Variants in WNT9A observed in about 807,000 individuals in gnomAD.
The protein encoded by WNT9A is Wnt family member 9A.
A neutral mutation model predicts 31.4 loss-of-function variants in WNT9A; 8 were observed. The ratio of observed to expected loss-of-function variants is 0.26; its 90% CI spans 0.15 to 0.46. The LOEUF (loss-of-function observed/expected upper bound fraction) is 0.46. Among genes scored for constraint, WNT9A ranks in the 20% least tolerant of loss-of-function variants. The probability of loss-of-function intolerance (pLI) is 0.99; values close to 1 mark genes in which losing one functional copy is unlikely to be tolerated. For missense variants in WNT9A, 457 were observed against 522.9 expected, an observed-to-expected ratio of 0.87 and a Z score of 1.23; for synonymous variants, 236 against 220.1, an observed-to-expected ratio of 1.07 and a Z score of -0.64.
intron 1 of WNT9A, among the ~76,000 whole-genome samples, chr1:227,937,669 C>A (rs1666619602): frequency 6.6e-6 from 1 of 152,258 alleles, no homozygotes; most frequent in African/African-American, 2.4e-5. Flanking sequence ...CGGTTCGCAG[C>A]CATCGCTGGC....
intron 3 of WNT9A, among the ~76,000 whole-genome samples, chr1:227,922,367 C>T (rs1269981765): frequency 6.6e-6 from 1 of 152,252 alleles, no homozygotes; most frequent in African/African-American, 2.4e-5. Flanking sequence ...CCTGCCGGGA[C>T]TTCACATCTG....
intron 1 of WNT9A, among the ~76,000 whole-genome samples, chr1:227,940,209 GC>G (rs1000995547): frequency 1.6e-4 from 25 of 152,220 alleles, no homozygotes; most frequent in Non-Finnish European, 2.4e-4. Context: ...TGGGCTGACT[GC>G]CCTTTTCTGG....
chr1:227,945,085 T>A (rs1466357331), intron 1 of WNT9A, among the ~76,000 whole-genome samples: 3 of 152,166 alleles, frequency 2.0e-5, no homozygotes, highest in African/African-American at 7.2e-5. Context: ...CTAATCCGGA[T>A]CTACCATCTC....
chr1:227,945,376 G>A (rs1666778265), intron 1 of WNT9A, among the ~76,000 whole-genome samples: 1 of 152,204 alleles, frequency 6.6e-6, no homozygotes, highest in South Asian at 2.1e-4. Flanking sequence ...GCAGGGCCAG[G>A]CCAAGGGGAG....
chr1:227,922,506 AC>A (rs1666340296), intron 3 of WNT9A, among the ~76,000 whole-genome samples: 1 of 151,748 alleles, frequency 6.6e-6, no homozygotes, highest in South Asian at 2.1e-4. Flanking sequence ...TGCAGACGCG[AC>A]CCCCAACCCA....
chr1:227,924,197 G>C lies in WNT9A; in HGVS notation c.556C>G (p.Arg186Gly), dbSNP rs149009608. 1 of 1,493,910 alleles carries C rather than the reference G, an allele frequency of 6.7e-7. No individual in the cohort carries two copies. Among genetic ancestry groups the C allele is most frequent in the African/African-American group, 1.4e-5 (1 of 70,634 alleles). 92.5% of individuals were successfully genotyped at this position (1,493,910 alleles called of 1,614,324 possible). A position where few individuals can be genotyped will look rare whatever the true frequency, so the allele number is the denominator to read the frequency against. Residue 186 changes from arginine (R) to glycine (G), a missense_variant, in exon 3 of 4, where the codon CGG becomes GGG. By Grantham distance (125) the Arg-to-Gly change is moderately radical. Transcript: ENST00000272164. ...CGGGCTCGCAGATCCTTGCTTGACC[G>C]TCTGCCCAGGAATTCCTTGACGAAC... ...SKFVKEFLGR[R>G]SSKDLRARVD...
chr1:227,925,634 GCA>G lies in WNT9A; in HGVS notation c.96-117_96-116del, dbSNP rs1666409763. 1.4e-6 allele frequency: 2 copies of G among 1,399,500 alleles called. No individual in the cohort carries two copies. Among genetic ancestry groups the G allele is most frequent in the African/African-American group, 2.9e-5 (2 of 68,294 alleles). The allele number at this position is 1,399,500 out of a possible 1,614,324, so 86.7% of individuals were successfully genotyped here. A position where few individuals can be genotyped will look rare whatever the true frequency, so the allele number is the denominator to read the frequency against. On this transcript the variant is annotated intron_variant, in intron 1 of 3. Coordinates refer to ENST00000272164, the MANE Select transcript of WNT9A (RefSeq NM_003395.4). The surrounding 1 kb of genome is among the most constrained non-coding windows in gnomAD (Gnocchi z 6.0). ...GGCGTGTCCATCCGGGGGTGAGGGG[GCA>G]GAAAGAATCCAGGATGAGCCAGGCA...
chr1:227,944,532 T>C (rs1017662278), intron 1 of WNT9A, among the ~76,000 whole-genome samples: 4 of 152,104 alleles, frequency 2.6e-5, no homozygotes, highest in African/African-American at 9.7e-5. Context: ...TTACGGCCAA[T>C]AACAAAAAGC....
intron 1 of WNT9A, among the ~76,000 whole-genome samples, chr1:227,927,981 G>A (rs965049517): frequency 3.9e-5 from 6 of 151,924 alleles, no homozygotes; most frequent in Non-Finnish European, 7.4e-5. Flanking sequence ...GAAGGGAAGA[G>A]GGCAGGGGAG....
chr1:227,940,208 T>G (rs1268984964), intron 1 of WNT9A, among the ~76,000 whole-genome samples: 1 of 152,198 alleles, frequency 6.6e-6, no homozygotes, highest in Non-Finnish European at 1.5e-5. Flanking sequence ...TTGGGCTGAC[T>G]GCCCTTTTCT....
At position 227,921,181 on chromosome 1, in the gene WNT9A, G is replaced by T; in HGVS notation, c.*337C>A. 1 of 316,194 alleles carries T rather than the reference G, an allele frequency of 3.2e-6. No homozygotes were observed. The highest frequency in any genetic ancestry group is 6.3e-5 in the East Asian group (1 of 15,916). The allele number at this position is 316,194 out of a possible 1,614,324, so 19.6% of individuals were successfully genotyped here. Reference sequence around the variant, plus strand: ...GCCCAGGGCCTCAGCCCTTGCAGGTGTACACTCCTCACACCGTGTGCAATG... The same window carrying T: ...GCCCAGGGCCTCAGCCCTTGCAGGTTTACACTCCTCACACCGTGTGCAATG... On this transcript the variant is annotated 3_prime_UTR_variant, in exon 4 of 4. Transcript: ENST00000272164.
rs893065153 is a variant in WNT9A at position 227,925,181 on chromosome 1, A to AG, written c.352+81dup. ...CCGGCGTCCCCAGGAGCGCAGCCTAAGAGGGGCCTCTTGGGATATGGACAA... is the reference window on the plus strand; with the variant it reads ...CCGGCGTCCCCAGGAGCGCAGCCTAAGGAGGGGCCTCTTGGGATATGGACAA... On this transcript the variant is annotated intron_variant, in intron 2 of 3. Coordinates refer to ENST00000272164, the MANE Select transcript of WNT9A (RefSeq NM_003395.4). This position sits in a 1 kb window ranked among gnomAD's most constrained non-coding sequence, Gnocchi z 6.0. The AG allele has an allele frequency of 1.4e-6, 2 of 1,432,474 alleles. No homozygotes were observed. The highest frequency in any genetic ancestry group is 2.9e-5 in the African/African-American group (2 of 69,352). 88.7% of individuals were successfully genotyped at this position (1,432,474 alleles called of 1,614,324 possible). A position where few individuals can be genotyped will look rare whatever the true frequency, so the allele number is the denominator to read the frequency against.
rs985004082 is a variant in WNT9A, at chr1:227,925,087, C to T, written c.352+176G>A. Among the ~76,000 whole-genome samples the T allele has an allele frequency of 6.6e-6, 1 of 152,178 alleles. No homozygotes were observed. Among genetic ancestry groups the T allele is most frequent in the South Asian group, 2.1e-4 (1 of 4,838 alleles). On this transcript the variant is annotated intron_variant, in intron 2 of 3. Coordinates refer to ENST00000272164, the MANE Select transcript of WNT9A (RefSeq NM_003395.4). The surrounding 1 kb of genome is among the most constrained non-coding windows in gnomAD (Gnocchi z 6.0). The stretch of plus-strand genomic sequence containing the variant: ...TGTGCCTAAAGCAAGGCAGGGCAGG[C>T]AGCACTCAGGGAGGTCCCGGGGCTG...
At chr1:227,922,654 AG>A (rs774657855) in intron 3 of WNT9A, among the ~76,000 whole-genome samples, 28 of 152,176 alleles carry the variant, frequency 1.8e-4, no homozygotes, top group East Asian at 1.2e-3. Flanking sequence ...CTGGCCCCAG[AG>A]GGGGGTGCAC....
chr1:227,946,937 G>C (rs1666804026), intron 1 of WNT9A, among the ~76,000 whole-genome samples: 1 of 152,206 alleles, frequency 6.6e-6, no homozygotes, highest in Admixed American at 6.5e-5. Flanking sequence ...GCGGCGCTCG[G>C]GGTAGGAGGC....
intron 1 of WNT9A, among the ~76,000 whole-genome samples, chr1:227,944,837 C>T (rs1033920874): frequency 6.6e-6 from 1 of 152,224 alleles, no homozygotes; most frequent in Non-Finnish European, 1.5e-5. Context: ...GCAAGGGCCA[C>T]CACCACAAAA....
Position 227,919,928 on chromosome 1 carries a change from A to T in WNT9A, c.*1590T>A, listed in dbSNP as rs1365203358. The T allele has an allele frequency of 1.3e-5, 2 of 152,404 alleles. No individual in the cohort carries two copies. The highest frequency in any genetic ancestry group is 2.9e-5 in the Non-Finnish European group (2 of 68,178). The allele number at this position is 152,404 out of a possible 1,614,324, so 9.4% of individuals were successfully genotyped here. ...CCCTGTCCCCAGCACACACAACAGC[A>T]GGGCCATAAAGCATGGCGTTCCATG... On this transcript the variant is annotated 3_prime_UTR_variant, in exon 4 of 4. Transcript: ENST00000272164.
At chr1:227,936,489 G>C (rs1666597692) in intron 1 of WNT9A, among the ~76,000 whole-genome samples, 1 of 152,054 alleles carries the variant, frequency 6.6e-6, no homozygotes, top group African/African-American at 2.4e-5. Context: ...ACTGCACCTG[G>C]CCACCCAGCT....
rs1666455234 is a variant in WNT9A at position 227,928,398 on chromosome 1, A to G, written c.96-2879T>C. On this transcript the variant is annotated intron_variant, in intron 1 of 3. Coordinates refer to ENST00000272164, the MANE Select transcript of WNT9A (RefSeq NM_003395.4). This position sits in a 1 kb window ranked among gnomAD's most constrained non-coding sequence, Gnocchi z 4.5. ...TGTGGAGGGAGGGTTGCCCCAGCCTAGCAGTGGCAAGGGATGGCCTGAGGC... is the reference window on the plus strand; with the variant it reads ...TGTGGAGGGAGGGTTGCCCCAGCCTGGCAGTGGCAAGGGATGGCCTGAGGC... Among the ~76,000 whole-genome samples the G allele has an allele frequency of 6.6e-6, 1 of 152,140 alleles. No homozygotes were observed. The highest frequency in any genetic ancestry group is 2.4e-5 in the African/African-American group (1 of 41,430).
Sources: gnomAD v4.1 joint callset for allele counts (sites outside exome capture counted in the v4.1 genomes callset) on GRCh38, gnomAD v4.1.1 for gene constraint, Gnocchi (gnomAD v3.1) non-coding constraint, MANE v1.5 for transcripts, NCBI Gene and HGNC (gene_info 2026-07-23, HGNC 2026-07-21) for gene names.